The following TBCD variants were observed in gnomAD, a reference collection of about 807,000 sequenced individuals.
TBCD encodes tubulin folding cofactor D.
In TBCD, 105 loss-of-function variants were observed where a neutral mutation model predicts 169.3. The ratio of observed to expected loss-of-function variants is 0.62; its 90% CI spans 0.53 to 0.73. The LOEUF (loss-of-function observed/expected upper bound fraction) is 0.73. Among genes scored for constraint, TBCD ranks in the 30% least tolerant of loss-of-function variants. The pLI, the probability that TBCD is intolerant of heterozygous loss-of-function variation, is 0.00. For synonymous variants in TBCD, 700 were observed against 643.9 expected (o/e 1.09, Z -1.32); for missense variants, 1,444 against 1,600.1 (o/e 0.90, Z 1.66).
chr17:82,814,731 T>C, intron 12 of TBCD, 109 bp from the exon 13 acceptor site: 1 of 1,060,272 alleles, frequency 9.4e-7, no homozygotes, highest in Non-Finnish European at 1.4e-6. Context: ...TACGTGAGCC[T>C]TACAGGCAGA....
rs2049018414 is a variant in TBCD at position 82,782,622 on chromosome 17, A to G, written c.771+901A>G. Among the ~76,000 whole-genome samples the G allele has an allele frequency of 5.9e-5, 9 of 152,330 alleles. No homozygotes were observed. The South Asian group carries it at 1.9e-3, about 32-fold the overall frequency. On this transcript the variant is annotated intron_variant, in intron 7 of 38. Coordinates refer to ENST00000355528, the MANE Select transcript of TBCD (RefSeq NM_005993.5). The surrounding 1 kb of genome is among the most constrained non-coding windows in gnomAD (Gnocchi z 5.1). ...GATGATCCCAAAGTGCTGGGATTAC[A>G]GGCTTGAGCCGCCGCGCCTGGAAGG...
intron 8 of TBCD, among the ~76,000 whole-genome samples, chr17:82,798,106 A>G (rs1054521888): frequency 1.3e-5 from 2 of 148,334 alleles, no homozygotes; most frequent in African/African-American, 5.0e-5. Context: ...CCTCCCGAGT[A>G]GCTGGGACTA....
intron 13 of TBCD, chr17:82,860,284 C>G (rs922125189): frequency 5.9e-6 from 5 of 841,526 alleles, no homozygotes; most frequent in Non-Finnish European, 7.2e-6. Context: ...AGGGAGGGCC[C>G]CCGCCCCCTG....
intron 35 of TBCD, 23 bp from the exon 36 acceptor site, chr17:82,938,026 G>T (rs752528292): frequency 6.2e-7 from 1 of 1,612,386 alleles, no homozygotes; most frequent in African/African-American, 1.3e-5. Context: ...GGCTCACCTG[G>T]AGCCATGTGC....
At chr17:82,873,658 C>T (rs191249369) in intron 14 of TBCD, among the ~76,000 whole-genome samples, 4 of 152,272 alleles carry the variant, frequency 2.6e-5, no homozygotes, top group African/African-American at 9.6e-5. Flanking sequence ...TAGATGTCAT[C>T]GTTCCAGAGT....
At chr17:82,893,806 T>C (rs1209946723) in intron 17 of TBCD, among the ~76,000 whole-genome samples, 174 bp downstream of exon 17, 1 of 152,256 alleles carries the variant, frequency 6.6e-6, no homozygotes, top group Admixed American at 6.5e-5. Flanking sequence ...TTGTGTTTCA[T>C]GTTGATTGGA....
chr17:82,847,225 T>C (rs149887502), intron 13 of TBCD, among the ~76,000 whole-genome samples: 4,079 of 151,746 alleles, frequency 0.027, 196 homozygotes, highest in African/African-American at 0.091. Context: ...TGGTGGTGGG[T>C]GCCTGTAATC....
chr17:82,840,642 G>C (rs2054393391), intron 13 of TBCD: 1 of 152,284 alleles, frequency 6.6e-6, no homozygotes, highest in South Asian at 2.1e-4. Flanking sequence ...AAGAGCTGCG[G>C]AGCAGGGTGT....
chr17:82,932,985 C>T (rs914747534), intron 34 of TBCD: 2 of 511,110 alleles, frequency 3.9e-6, no homozygotes, highest in Non-Finnish European at 7.0e-6. Context: ...AGGCGGGGGC[C>T]CTGCTGTGCA....
intron 13 of TBCD, chr17:82,830,873 T>G (rs759219758): frequency 6.2e-7 from 1 of 1,612,326 alleles, no homozygotes; most frequent in Non-Finnish European, 8.5e-7. Flanking sequence ...TTCACAACAT[T>G]GAGGCTAGAA....
chr17:82,789,590 G>A lies in TBCD; in HGVS notation c.771+7869G>A, dbSNP rs1411394516. Among the ~76,000 whole-genome samples the A allele has an allele frequency of 6.6e-6, 1 of 152,160 alleles. No individual in the cohort carries two copies. The highest frequency in any genetic ancestry group is 1.5e-5 in the Non-Finnish European group (1 of 68,004). ...CCCCTGTGCAGGTTGGGGTGCCCCT[G>A]CCCTCTCCCCTGCCCCGCCCTCACC... On this transcript the variant is annotated intron_variant, in intron 7 of 38. Coordinates refer to ENST00000355528, the MANE Select transcript of TBCD (RefSeq NM_005993.5). The surrounding 1 kb of genome is among the most constrained non-coding windows in gnomAD (Gnocchi z 4.8).
intron 7 of TBCD, among the ~76,000 whole-genome samples, chr17:82,793,435 A>G (rs630945): frequency 0.5 from 76,664 of 152,022 alleles, 20,660 homozygotes; most frequent in African/African-American, 0.71. Flanking sequence ...CCTCGCTTTG[A>G]TTTTTGCAGG....
intron 13 of TBCD, among the ~76,000 whole-genome samples, chr17:82,850,266 T>TTGTTGGCTGTGCTGC (rs2055641346): frequency 8.4e-6 from 1 of 118,970 alleles, no homozygotes; most frequent in East Asian, 2.6e-4. Flanking sequence ...GGCTGTGTTG[T>TTGTTGGCTGTGCTGC]TGTTGGCTGT....
intron 33 of TBCD, among the ~76,000 whole-genome samples, chr17:82,931,604 G>A (rs554166559): frequency 1.2e-4 from 18 of 152,362 alleles, no homozygotes; most frequent in Admixed American, 6.5e-4. Flanking sequence ...CATTTTGGTT[G>A]TTGCCGCATC....
intron 6 of TBCD, among the ~76,000 whole-genome samples, chr17:82,777,303 C>T (rs2048659605): frequency 6.6e-6 from 1 of 152,142 alleles, no homozygotes; most frequent in Non-Finnish European, 1.5e-5. Flanking sequence ...TCTGTAGGGA[C>T]CAGCACCACA....
chr17:82,865,659 C>A, intron 13 of TBCD: 1 of 525,330 alleles, frequency 1.9e-6, no homozygotes, highest in Non-Finnish European at 2.4e-6. Context: ...GCAGTTTATG[C>A]CTGGCAGTGA....
intron 23 of TBCD, among the ~76,000 whole-genome samples, chr17:82,919,613 G>A (rs545976270): frequency 7.2e-5 from 11 of 152,130 alleles, no homozygotes; most frequent in Admixed American, 5.2e-4. Flanking sequence ...GCCTCACCTC[G>A]GAGGCATGGA....
intron 35 of TBCD, 161 bp from the exon 36 acceptor site, chr17:82,937,888 G>T: frequency 6.5e-7 from 1 of 1,527,134 alleles, no homozygotes; most frequent in Non-Finnish European, 8.8e-7. Flanking sequence ...GCACAGTGCA[G>T]ATGTACGCAC....
At position 82,805,869 on chromosome 17, in the gene TBCD, G is replaced by T; in HGVS notation, c.951-6G>T. 6.2e-7 allele frequency: 1 copy of T among 1,604,332 alleles called. No homozygotes were observed. The highest frequency in any genetic ancestry group is 8.5e-7 in the Non-Finnish European group (1 of 1,171,906). ...AGCTGATCTGAGGATGCTTTGCTTT[G>T]CACAGGTACCAGCGTGGCTGCCGAT... On this transcript the variant is annotated splice_polypyrimidine_tract_variant and splice_region_variant and intron_variant, in intron 9 of 38. Transcript: ENST00000355528.
Sources: gnomAD v4.1 joint callset for allele counts (sites outside exome capture counted in the v4.1 genomes callset) on GRCh38, gnomAD v4.1.1 for gene constraint, Gnocchi (gnomAD v3.1) non-coding constraint, MANE v1.5 for transcripts, NCBI Gene and HGNC (gene_info 2026-07-23, HGNC 2026-07-21) for gene names.